The following GFRA4 variants were observed in gnomAD, a reference collection of about 807,000 sequenced individuals.
GFRA4 encodes the protein GDNF family receptor alpha 4.
A neutral mutation model predicts 28.5 loss-of-function variants in GFRA4; 31 were observed. That is an observed-to-expected ratio of 1.09 (90% CI 0.82 to 1.47). The LOEUF (loss-of-function observed/expected upper bound fraction) is 1.47, where lower values mean the gene tolerates loss of function less well. Ranked by LOEUF, GFRA4 falls within the 40% of genes most tolerant of loss-of-function variation. The probability of loss-of-function intolerance (pLI) is 0.00; values close to 1 mark genes in which losing one functional copy is unlikely to be tolerated. For missense variants in GFRA4, 389 were observed against 413.2 expected (o/e 0.94, Z 0.51); for synonymous variants, 188 against 188.0 (o/e 1.00, Z 0.00).
intron 4 of GFRA4, 107 bp downstream of exon 4, chr20:3,660,419 G>C: frequency 8.3e-7 from 1 of 1,201,778 alleles, no homozygotes; most frequent in Non-Finnish European, 1.2e-6. Context: ...TGACTCAACT[G>C]TACAGTCTTC....
In GFRA4 at chr20:3,660,170, G is replaced by A. The variant is rs1285752422; in HGVS notation, c.717C>T (p.His239=). 6.3e-7 allele frequency: 1 copy of A among 1,592,888 alleles called. No homozygotes were observed. The stretch of plus-strand genomic sequence containing the variant: ...TCCCTGCACCTACCTGCAGGAGGCT[G>A]TGCTCCGGGTCTCCCTGGGGGTTCA... ...DQLNPQGDPE[H]SLLQVSSTGR... is the part of the protein sequence containing the mutation. The change falls in exon 5 of 6, where the codon CAC becomes CAT. Residue 239 remains histidine, a synonymous_variant. Transcript: ENST00000290417.
intron 1 of GFRA4, among the ~76,000 whole-genome samples, chr20:3,661,787 C>G (rs1420730371): frequency 1.3e-5 from 2 of 152,174 alleles, no homozygotes; most frequent in Non-Finnish European, 2.9e-5. Flanking sequence ...TCCACCTCGC[C>G]GCTTATCCTC....
intron 1 of GFRA4, among the ~76,000 whole-genome samples, chr20:3,662,287 C>T (rs1413662881): frequency 6.6e-6 from 1 of 152,208 alleles, no homozygotes; most frequent in African/African-American, 2.4e-5. Flanking sequence ...GAAGTTGGGA[C>T]TTGGCAGCCC....
At position 3,659,892 on chromosome 20, in the gene GFRA4, C is replaced by G. The variant is rs776404687; in HGVS notation, c.*17G>C. ...GGGTGGAGTAGCTGGCTGTGCTATC[C>G]GAGGTCGCTGTCCTAATCAGAGCAG... is the stretch of plus-strand genomic sequence containing the variant. On this transcript the variant is annotated 3_prime_UTR_variant, in exon 6 of 6. Transcript: ENST00000290417. The G allele has an allele frequency of 2.3e-5, 36 of 1,580,444 alleles. No homozygotes were observed. The highest frequency in any genetic ancestry group is 3.1e-5 in the Non-Finnish European group (36 of 1,163,868).
At position 3,660,819 on chromosome 20, in the gene GFRA4, G is replaced by A. The variant is rs1396206099; in HGVS notation, c.438C>T (p.Ser146=). The change falls in exon 3 of 6, where the codon AGC becomes AGT. Residue 146 remains serine, a synonymous_variant. Transcript: ENST00000290417. The stretch of plus-strand genomic sequence containing the variant: ...GGTCCAGCAGGCAGCCGTCGGGGGC[G>A]CTGGGCGCTGGGGTGCACGAGACCT... ...AFQVSCTPAP[S]APDGCLLDQG... is the part of the protein sequence containing the mutation. The A allele has an allele frequency of 1.4e-6, 2 of 1,416,672 alleles. No individual in the cohort carries two copies. Among genetic ancestry groups the A allele is most frequent in the Non-Finnish European group, 1.8e-6 (2 of 1,097,920 alleles). 87.8% of individuals were successfully genotyped at this position (1,416,672 alleles called of 1,614,324 possible).
intron 1 of GFRA4, among the ~76,000 whole-genome samples, 164 bp from the exon 2 acceptor site, chr20:3,661,453 G>A (rs2087224458): frequency 6.6e-6 from 1 of 152,234 alleles, no homozygotes; most frequent in South Asian, 2.1e-4. Flanking sequence ...TCCGTCGTGG[G>A]GATGGGCAGC....
intron 1 of GFRA4, among the ~76,000 whole-genome samples, chr20:3,662,097 G>A (rs1332178948): frequency 6.6e-6 from 1 of 152,196 alleles, no homozygotes; most frequent in Non-Finnish European, 1.5e-5. Context: ...GCTTTGTCCT[G>A]AGCCACAGGA....
At chr20:3,660,302 C>A in intron 4 of GFRA4, 53 bp from the exon 5 acceptor site, 1 of 1,442,442 alleles carries the variant, frequency 6.9e-7, no homozygotes, top group Middle Eastern at 1.8e-4. Context: ...TAGCACAGGG[C>A]TCAGCACAGG....
chr20:3,662,784 G>A (rs982589029), intron 1 of GFRA4, among the ~76,000 whole-genome samples: 1 of 152,134 alleles, frequency 6.6e-6, no homozygotes, highest in Admixed American at 6.5e-5. Flanking sequence ...CTAAGGGTTT[G>A]AACCCACCTC....
Position 3,660,556 on chromosome 20 carries a change from G to A in GFRA4, c.607C>T (p.Arg203Trp), listed in dbSNP as rs534810136. Residue 203 changes from arginine (R) to tryptophan (W), a missense_variant, in exon 4 of 6, where the codon CGG (arginine) becomes TGG (tryptophan). Coordinates refer to ENST00000290417, the MANE Select transcript of GFRA4 (RefSeq NM_022139.4). Reference sequence around the variant, plus strand: ...CAGCGGTTCCTGGTAAAGAGCCCCCGGAAGGCTTCGCAGTCCTCACGCCGG... The same window carrying A: ...CAGCGGTTCCTGGTAAAGAGCCCCCAGAAGGCTTCGCAGTCCTCACGCCGG... ...GNRREDCEAF[R>W]GLFTRNRCLD... is the part of the protein sequence containing the mutation. 2 of 1,360,552 alleles carry A rather than the reference G, an allele frequency of 1.5e-6. No individual in the cohort carries two copies. Among genetic ancestry groups the A allele is most frequent in the East Asian group, 4.1e-5 (1 of 24,672 alleles). 84.3% of individuals were successfully genotyped at this position (1,360,552 alleles called of 1,614,324 possible).
rs2087217015 is a variant in GFRA4 at position 3,661,062 on chromosome 20, C to A, written c.274G>T (p.Ala92Ser). 1 of 1,445,872 alleles carries A rather than the reference C, an allele frequency of 6.9e-7. No individual in the cohort carries two copies. The highest frequency in any genetic ancestry group is 2.8e-5 in the Admixed American group (1 of 36,144). 89.6% of individuals were successfully genotyped at this position (1,445,872 alleles called of 1,614,324 possible). ...GTCTGGCGCCGACGCTCGGCGCACG[C>A]GGGGCCCGCGCACGGGCAGAAGAGC... ...ALLFCPCAGP[A>S]CAERRRQTFV... is the part of the protein sequence containing the mutation. Residue 92 changes from alanine to serine, a missense_variant, in exon 2 of 6, where the codon GCG (alanine) becomes TCG (serine). Physicochemically the swap from Ala to Ser is moderately conservative, Grantham distance 99. Coordinates refer to ENST00000290417, the MANE Select transcript of GFRA4 (RefSeq NM_022139.4).
chr20:3,662,683 C>A (rs1415114386), intron 1 of GFRA4, among the ~76,000 whole-genome samples: 6 of 152,250 alleles, frequency 3.9e-5, no homozygotes, highest in Admixed American at 3.9e-4. Context: ...TCCCTTCCTC[C>A]CCTCCCCAAA....
At chr20:3,660,708 A>G (rs1218149000) in intron 3 of GFRA4, 47 bp downstream of exon 3, 1 of 1,514,904 alleles carries the variant, frequency 6.6e-7, no homozygotes, top group African/African-American at 1.4e-5. Context: ...GGGCGGAGAT[A>G]TCCCCTGGAG....
chr20:3,660,860 G>C lies in GFRA4; in HGVS notation c.397C>G (p.Arg133Gly). 7.1e-7 allele frequency: 1 copy of C among 1,417,982 alleles called. No individual in the cohort carries two copies. Among genetic ancestry groups the C allele is most frequent in the Non-Finnish European group, 9.1e-7 (1 of 1,096,512 alleles). 87.8% of individuals were successfully genotyped at this position (1,417,982 alleles called of 1,614,324 possible). A position where few individuals can be genotyped will look rare whatever the true frequency, so the allele number is the denominator to read the frequency against. ...FCERSRVCRP[R>G]LLAFQVSCTP... ...CACGAGACCTGAAAGGCCAGGAGGC[G>C]AGGCCTGCGCGGCGGGAGGGCGGTG... Residue 133 changes from arginine to glycine, a missense_variant, in exon 3 of 6, where the codon CGC becomes GGC. Coordinates refer to ENST00000290417, the MANE Select transcript of GFRA4 (RefSeq NM_022139.4).
chr20:3,660,485 G>A (rs980822040), intron 4 of GFRA4, 41 bp downstream of exon 4: 32 of 1,517,386 alleles, frequency 2.1e-5, no homozygotes, highest in Admixed American at 8.2e-5. Flanking sequence ...GGCAGTAAGC[G>A]CCGCCCCCAC....
intron 1 of GFRA4, among the ~76,000 whole-genome samples, chr20:3,662,482 TC>T (rs10716623): frequency 0.91 from 137,546 of 151,950 alleles, 62,410 homozygotes; most frequent in African/African-American, 0.95. Flanking sequence ...CGGGGTGGTA[TC>T]CCCCCCCCAG....
Position 3,660,768 on chromosome 20 carries a change from G to A in GFRA4, c.489C>T (p.Tyr163=), listed in dbSNP as rs988672467. ...LDQGARCLRA[Y]AGLVGTAVTP... ...GGCCGCGCGTACCCACGAGGCCCGC[G>A]TAGGCGCGCAGGCAGCGGGCGCCCT... Residue 163 remains tyrosine, a synonymous_variant, in exon 3 of 6, where the codon TAC becomes TAT. Coordinates refer to ENST00000290417, the MANE Select transcript of GFRA4 (RefSeq NM_022139.4). The A allele has an allele frequency of 3.2e-5, 45 of 1,416,718 alleles. No individual in the cohort carries two copies. The highest frequency in any genetic ancestry group is 4.0e-5 in the Non-Finnish European group (44 of 1,094,900). The allele number at this position is 1,416,718 out of a possible 1,614,324, so 87.8% of individuals were successfully genotyped here.
Position 3,661,276 on chromosome 20 carries a change from C to T in GFRA4, c.60G>A (p.Ser20=), listed in dbSNP as rs1214654784. 2 of 1,473,624 alleles carry T rather than the reference C, an allele frequency of 1.4e-6. No individual in the cohort carries two copies. The highest frequency in any genetic ancestry group is 1.3e-5 in the South Asian group (1 of 77,264). The allele number at this position is 1,473,624 out of a possible 1,614,324, so 91.3% of individuals were successfully genotyped here. A position where few individuals can be genotyped will look rare whatever the true frequency, so the allele number is the denominator to read the frequency against. Residue 20 remains serine, a synonymous_variant, in exon 2 of 6, where the codon TCG becomes TCA. Transcript: ENST00000290417. ...LLLLLLGSAS[S]VGGNRCVDAA... is the part of the protein sequence containing the mutation. ...CGTCCACACATCGGTTCCCTCCGAC[C>T]GAGCTCGCCGACCCTGGGAAAGGCG...
Position 3,660,146 on chromosome 20 carries a change from C to T in GFRA4, c.729+12G>A, listed in dbSNP as rs1416348915. On this transcript the variant is annotated intron_variant, in intron 5 of 5. Coordinates refer to ENST00000290417, the MANE Select transcript of GFRA4 (RefSeq NM_022139.4). ...GGGAGGTGCCAGCTCACCCTCCCCT[C>T]CCTGCACCTACCTGCAGGAGGCTGT... The T allele has an allele frequency of 3.2e-6, 5 of 1,574,666 alleles. No individual in the cohort carries two copies. Among genetic ancestry groups the T allele is most frequent in the East Asian group, 2.3e-5 (1 of 43,716 alleles).
Sources: gnomAD v4.1 joint callset for allele counts (sites outside exome capture counted in the v4.1 genomes callset) on GRCh38, gnomAD v4.1.1 for gene constraint, MANE v1.5 for transcripts, NCBI Gene and HGNC (gene_info 2026-07-23, HGNC 2026-07-21) for gene names.